Variants in RBFOX1 observed in about 807,000 individuals in gnomAD.
RBFOX1 encodes RNA binding protein fox-1 homolog 1.
Under a neutral mutation model 57.7 loss-of-function variants are expected in RBFOX1, and 8 were observed. The observed-to-expected ratio is 0.14, with a 90% CI of 0.08 to 0.25. The LOEUF (loss-of-function observed/expected upper bound fraction) is 0.25. Ranked by LOEUF, RBFOX1 falls within the 10% of genes least tolerant of loss-of-function variation. The pLI, the probability that RBFOX1 is intolerant of heterozygous loss-of-function variation, is 1.00. For synonymous variants in RBFOX1, 326 were observed against 222.4 expected (o/e 1.47, Z -4.15); for missense variants, 611 against 548.5 (o/e 1.11, Z -1.14).
At chr16:7,559,493 CTTTCT>C (rs1228501863) in intron 5 of RBFOX1, among the ~76,000 whole-genome samples, 1 of 152,134 alleles carries the variant, frequency 6.6e-6, no homozygotes, top group Non-Finnish European at 1.5e-5. Flanking sequence ...ATATAAAAGT[CTTTCT>C]TTTTAGGTGG....
At chr16:6,037,229 C>T (rs370541381) in intron 1 of RBFOX1, 117 of 152,292 alleles carry the variant, frequency 7.7e-4, no homozygotes, top group African/African-American at 2.3e-3. Context: ...AAAACCACAA[C>T]AGTAATGTTT....
At chr16:6,950,370 C>G (rs1303015666) in intron 3 of RBFOX1, among the ~76,000 whole-genome samples, 2 of 143,964 alleles carry the variant, frequency 1.4e-5, no homozygotes, top group African/African-American at 2.6e-5. Context: ...ATCTCTGTCC[C>G]TCTGTCCACC....
chr16:7,423,332 C>G (rs2098562938), intron 4 of RBFOX1, among the ~76,000 whole-genome samples: 1 of 151,650 alleles, frequency 6.6e-6, no homozygotes, highest in African/African-American at 2.4e-5. Flanking sequence ...ACAAAGAGTG[C>G]ATCTTGCAAA....
At chr16:5,578,138 G>A (rs773122162) in intron 2 of RBFOX1, among the ~76,000 whole-genome samples, 6 of 152,076 alleles carry the variant, frequency 3.9e-5, no homozygotes, top group Non-Finnish European at 8.8e-5. Flanking sequence ...TTTTAGTAGC[G>A]ACAGGGTTTC....
chr16:7,534,434 C>T (rs748475556), intron 5 of RBFOX1, among the ~76,000 whole-genome samples: 12 of 151,944 alleles, frequency 7.9e-5, no homozygotes, highest in East Asian at 1.9e-4. Flanking sequence ...ACAATAGAGC[C>T]AATGATTAAC....
At chr16:7,446,241 G>A (rs375601668) in intron 4 of RBFOX1, among the ~76,000 whole-genome samples, 14 of 152,292 alleles carry the variant, frequency 9.2e-5, no homozygotes, top group South Asian at 2.1e-4. Context: ...AGACCCATGC[G>A]AATTGACAGG....
chr16:5,926,279 G>A (rs1275260700), intron 4 of RBFOX1, among the ~76,000 whole-genome samples: 1 of 152,172 alleles, frequency 6.6e-6, no homozygotes, highest in Non-Finnish European at 1.5e-5. Context: ...ATTCAGGAAC[G>A]CTGTAGCTCT....
chr16:6,365,390 G>A (rs1002597288), intron 2 of RBFOX1, among the ~76,000 whole-genome samples: 111 of 151,886 alleles, frequency 7.3e-4, no homozygotes, highest in African/African-American at 2.5e-3. Context: ...ATAGGTGGAT[G>A]GATGAGTAGA....
In RBFOX1 at chr16:6,225,098, C is replaced by T. The variant is rs146845285; in HGVS notation, c.-126-91897C>T. Among the ~76,000 whole-genome samples the T allele has an allele frequency of 6.8e-4, 103 of 151,018 alleles. 1 individual carries two copies. The East Asian group carries it at 0.019, about 28-fold the overall frequency. On this transcript the variant is annotated intron_variant, in intron 1 of 15. Coordinates refer to ENST00000550418, the MANE Select transcript of RBFOX1 (RefSeq NM_018723.4). ...CCCCAGTCCTGTGTAGGCTCCTTTC[C>T]TTCTGGGAAGTGATGGACTACAAGA...
chr16:7,035,340 G>C lies in RBFOX1; in HGVS notation c.-15-16717G>C, dbSNP rs909103379. 1.1e-4 allele frequency among the ~76,000 whole-genome samples: 16 copies of C among 152,056 alleles called. 1 individual carries two copies. The highest frequency in any genetic ancestry group is 1.2e-4 in the Non-Finnish European group (8 of 68,016). On this transcript the variant is annotated intron_variant, in intron 3 of 15. Transcript: ENST00000550418. ...GCTGGCCCATTTATCCTAGTTAAAG[G>C]GTTCCACAGTTCCCTGTGATTATCC...
At chr16:6,573,539 C>A (rs79171761) in intron 2 of RBFOX1, among the ~76,000 whole-genome samples, 1 of 152,332 alleles carries the variant, frequency 6.6e-6, no homozygotes, top group South Asian at 2.1e-4. Context: ...TCTGATATTC[C>A]TGCATCTCCC....
At chr16:5,787,303 G>A (rs2054537273) in intron 3 of RBFOX1, among the ~76,000 whole-genome samples, 3 of 152,278 alleles carry the variant, frequency 2.0e-5, no homozygotes, top group African/African-American at 7.2e-5. Context: ...AGCATCAGAG[G>A]TGTCCTCCAG....
intron 3 of RBFOX1, among the ~76,000 whole-genome samples, chr16:5,794,617 A>C (rs1025606265): frequency 9.9e-5 from 15 of 152,146 alleles, no homozygotes; most frequent in African/African-American, 3.6e-4. Context: ...GTGGTGAGCA[A>C]AATGAGTTTG....
intron 4 of RBFOX1, among the ~76,000 whole-genome samples, chr16:7,136,504 T>TAA (rs1467582450): frequency 6.7e-6 from 1 of 150,322 alleles, no homozygotes; most frequent in Non-Finnish European, 1.5e-5. Flanking sequence ...ACTCCTGGGC[T>TAA]AAAGTGATTT....
chr16:6,826,449 G>T lies in RBFOX1; in HGVS notation c.-16+171799G>T, dbSNP rs1353617354. 2.7e-5 allele frequency among the ~76,000 whole-genome samples: 4 copies of T among 147,490 alleles called. No homozygotes were observed. In the East Asian group the frequency reaches 7.7e-4, roughly 28 times the overall value. ...ATTAGCACTCAAGTAATTCCCATGG[G>T]TTGTTAAGAGGCTTAGAGATGAGAA... On this transcript the variant is annotated intron_variant, in intron 3 of 15. Coordinates refer to ENST00000550418, the MANE Select transcript of RBFOX1 (RefSeq NM_018723.4).
At chr16:7,052,171 C>G (rs1030600335) in intron 4 of RBFOX1, 73 bp downstream of exon 4, 3 of 1,551,046 alleles carry the variant, frequency 1.9e-6, no homozygotes, top group Non-Finnish European at 8.7e-7. Context: ...CCTTGTCTCT[C>G]CCAAGACACG....
chr16:5,635,229 C>G (rs1290001452), intron 3 of RBFOX1, among the ~76,000 whole-genome samples: 7 of 152,200 alleles, frequency 4.6e-5, no homozygotes, highest in Non-Finnish European at 8.8e-5. Context: ...TGACAAAAGT[C>G]TCAAGCTACT....
intron 3 of RBFOX1, among the ~76,000 whole-genome samples, chr16:7,008,048 C>G (rs2093404059): frequency 6.6e-6 from 1 of 152,140 alleles, no homozygotes; most frequent in African/African-American, 2.4e-5. Flanking sequence ...TATCTATATT[C>G]AGTTGAGAGC....
At chr16:5,550,969 A>T (rs1261458497) in intron 2 of RBFOX1, among the ~76,000 whole-genome samples, 2 of 152,154 alleles carry the variant, frequency 1.3e-5, no homozygotes, top group Non-Finnish European at 2.9e-5. Context: ...AAGCCTTGAG[A>T]AGGATCCAAC....
Sources: gnomAD v4.1 joint callset for allele counts (sites outside exome capture counted in the v4.1 genomes callset) on GRCh38, gnomAD v4.1.1 for gene constraint, MANE v1.5 for transcripts, NCBI Gene and HGNC (gene_info 2026-07-23, HGNC 2026-07-21) for gene names.